HINT1: variants seen among roughly 807,000 people sequenced by gnomAD.
HINT1 encodes adenosine 5'-monophosphoramidase HINT1.
Under a neutral mutation model 11.2 loss-of-function variants are expected in HINT1, and 12 were observed. That is an observed-to-expected ratio of 1.07 (90% confidence interval 0.69 to 1.74). HINT1 has a LOEUF of 1.74. Ranked by LOEUF, HINT1 falls within the 40% of genes most tolerant of loss-of-function variation. The pLI is 0.00. For synonymous variants in HINT1, 42 were observed against 52.6 expected, an observed-to-expected ratio of 0.80 and a Z score of 0.87; for missense variants, 150 against 161.8, an observed-to-expected ratio of 0.93 and a Z score of 0.40.
intron 1 of HINT1, 113 bp from the exon 2 acceptor site, chr5:131,162,789 A>G (rs1755292198): frequency 1.5e-6 from 1 of 655,604 alleles, no homozygotes; most frequent in Non-Finnish European, 2.7e-6. Context: ...ACTAGATGCT[A>G]AGAAAACAGA....
At chr5:131,162,714 TA>T (rs1395589118) in intron 1 of HINT1, 38 bp from the exon 2 acceptor site, 1 of 1,352,394 alleles carries the variant, frequency 7.4e-7, no homozygotes, top group Admixed American at 1.8e-5. Flanking sequence ...ATCAAACTTT[TA>T]GTATATTGGT....
At chr5:131,162,270 C>CCTCG in intron 2 of HINT1, 2 of 613,166 alleles carry the variant, frequency 3.3e-6, no homozygotes, top group East Asian at 5.5e-5. Flanking sequence ...TTGCAGTGAG[C>CCTCG]CGAGTGCCAC....
intron 2 of HINT1, chr5:131,162,361 C>A: frequency 1.1e-6 from 1 of 921,582 alleles, no homozygotes; most frequent in Admixed American, 2.0e-5. Flanking sequence ...GATAAGGATA[C>A]GGAGAAGCTG....
At chr5:131,162,116 G>A in intron 2 of HINT1, 1 of 353,324 alleles carries the variant, frequency 2.8e-6, no homozygotes. Flanking sequence ...ACGAGGTCAG[G>A]AAATCGAAAC....
Position 131,159,707 on chromosome 5 carries a change from T to A in HINT1, c.217-96A>T, listed in dbSNP as rs970415281. 16 of 1,189,544 alleles carry A rather than the reference T, an allele frequency of 1.3e-5. No homozygotes were observed. The Middle Eastern group carries it at 6.4e-4, about 47-fold the overall frequency. 73.7% of individuals were successfully genotyped at this position (1,189,544 alleles called of 1,614,324 possible). A position where few individuals can be genotyped will look rare whatever the true frequency, so the allele number is the denominator to read the frequency against. On this transcript the variant is annotated intron_variant, in intron 2 of 2. Coordinates refer to ENST00000304043, the MANE Select transcript of HINT1 (RefSeq NM_005340.7). Reference sequence around the variant, plus strand: ...AAGCTGAAATATCAAATCTTAAAACTCTCATTGAAACACAACCCTTTGAGC... The same window carrying A: ...AAGCTGAAATATCAAATCTTAAAACACTCATTGAAACACAACCCTTTGAGC...
chr5:131,165,123 G>C lies in HINT1; in HGVS notation c.83C>G (p.Pro28Arg). ...GTCATCCTCAAAAATGATTTTGGCT[G>C]GTATTTCCTTGCGGATGATCTTCCC... is the stretch of plus-strand genomic sequence containing the variant. ...IFGKIIRKEI[P>R]AKIIFEDDRC... The change falls in exon 1 of 3, where the codon CCA (proline) becomes CGA (arginine). Residue 28 changes from proline to arginine, a missense_variant. Physicochemically the swap from Pro to Arg is moderately radical, Grantham distance 103. Transcript: ENST00000304043. The C allele has an allele frequency of 6.2e-7, 1 of 1,613,510 alleles. No homozygotes were observed. Among genetic ancestry groups the C allele is most frequent in the Non-Finnish European group, 8.5e-7 (1 of 1,179,922 alleles).
At chr5:131,162,222 C>T in intron 2 of HINT1, 1 of 554,102 alleles carries the variant, frequency 1.8e-6, no homozygotes, top group Non-Finnish European at 3.2e-6. Context: ...ACTCGGGAGG[C>T]TGAGGCAGGA....
Position 131,165,206 on chromosome 5 carries a change from C to T in HINT1, c.-1G>A. ...GAGCCTTGGCAATCTCATCTGCCATCTCGGCCTCTCTCCCGCGCGGCGGCC... is the reference window on the plus strand; with the variant it reads ...GAGCCTTGGCAATCTCATCTGCCATTTCGGCCTCTCTCCCGCGCGGCGGCC... On this transcript the variant is annotated 5_prime_UTR_variant, in exon 1 of 3. Coordinates refer to ENST00000304043, the MANE Select transcript of HINT1 (RefSeq NM_005340.7). The T allele has an allele frequency of 3.7e-6, 6 of 1,605,042 alleles. No homozygotes were observed. Among genetic ancestry groups the T allele is most frequent in the Non-Finnish European group, 3.4e-6 (4 of 1,179,766 alleles).
intron 1 of HINT1, 101 bp downstream of exon 1, chr5:131,164,994 G>C (rs1755358678): frequency 6.5e-7 from 1 of 1,532,066 alleles, no homozygotes; most frequent in Admixed American, 1.9e-5. Flanking sequence ...CCCTCCCGTC[G>C]CCGCTACACT....
At chr5:131,164,279 G>A (rs992184311) in intron 1 of HINT1, among the ~76,000 whole-genome samples, 5 of 152,112 alleles carry the variant, frequency 3.3e-5, no homozygotes, top group African/African-American at 9.7e-5. Context: ...ATATCTCAAA[G>A]TCACATCAAC....
At chr5:131,163,091 C>T (rs1380018846) in intron 1 of HINT1, among the ~76,000 whole-genome samples, 2 of 152,214 alleles carry the variant, frequency 1.3e-5, no homozygotes, top group African/African-American at 4.8e-5. Context: ...CCTGCCTCGG[C>T]CTCCCAGAGT....
At chr5:131,162,492 A>C (rs1453224804) in intron 2 of HINT1, 80 bp downstream of exon 2, 1 of 1,591,064 alleles carries the variant, frequency 6.3e-7, no homozygotes, top group Non-Finnish European at 8.6e-7. Flanking sequence ...GGAAGATGAA[A>C]ATGTGACAGC....
At chr5:131,164,942 T>C in intron 1 of HINT1, 153 bp downstream of exon 1, 1 of 1,135,944 alleles carries the variant, frequency 8.8e-7, no homozygotes, top group Non-Finnish European at 1.2e-6. Flanking sequence ...GCCCGGGCCC[T>C]GTCCGCTGGC....
rs1345467743 is a variant in HINT1 at position 131,159,547 on chromosome 5, T to A, written c.281A>T (p.Tyr94Phe). 1 of 1,613,790 alleles carries A rather than the reference T, an allele frequency of 6.2e-7. No homozygotes were observed. The highest frequency in any genetic ancestry group is 1.3e-5 in the African/African-American group (1 of 74,868). The change falls in exon 3 of 3, where the codon TAT becomes TTT. Residue 94 changes from tyrosine to phenylalanine, a missense_variant. Tyr to Phe is a conservative substitution (Grantham distance 22). Coordinates refer to ENST00000304043, the MANE Select transcript of HINT1 (RefSeq NM_005340.7). ...CAADLGLNKG[Y>F]RMVVNEGSDG... ...TGAACCTTCATTCACCACCATTCGA[T>A]AACCCTTATTCAGGCCCAGATCAGC...
At chr5:131,164,528 G>A (rs1259786022) in intron 1 of HINT1, among the ~76,000 whole-genome samples, 1 of 152,192 alleles carries the variant, frequency 6.6e-6, no homozygotes, top group Non-Finnish European at 1.5e-5. Flanking sequence ...GGTGAGGGTG[G>A]CAAGCCGCAC....
chr5:131,164,653 G>A (rs765548521), intron 1 of HINT1, among the ~76,000 whole-genome samples: 7 of 152,226 alleles, frequency 4.6e-5, no homozygotes, highest in African/African-American at 7.2e-5. Context: ...CTGGCAGGCC[G>A]GCTGTGCGCG....
intron 1 of HINT1, among the ~76,000 whole-genome samples, chr5:131,164,814 C>G (rs1401178916): frequency 6.6e-6 from 1 of 151,942 alleles, no homozygotes; most frequent in East Asian, 1.9e-4. Flanking sequence ...CCAGTGCGCC[C>G]CGACACGCGC....
intron 2 of HINT1, chr5:131,160,897 G>A (rs1285927753): frequency 2.0e-5 from 9 of 452,288 alleles, no homozygotes; most frequent in Admixed American, 2.4e-5. Flanking sequence ...GTAGGTTAAC[G>A]TTAAGTGTTC....
At position 131,162,415 on chromosome 5, in the gene HINT1, C is replaced by G. The variant is rs1755277839; in HGVS notation, c.216+157G>C. On this transcript the variant is annotated intron_variant, in intron 2 of 2. Transcript: ENST00000304043. ...GGTGGGATACAAAATGATGCAGTAA[C>G]TTTGGAAAACAGCTGGGCAGTTGAA... 6 of 1,486,994 alleles carry G rather than the reference C, an allele frequency of 4.0e-6. No individual in the cohort carries two copies. In the Admixed American group the frequency reaches 5.9e-5, roughly 15 times the overall value. The allele number at this position is 1,486,994 out of a possible 1,614,324, so 92.1% of individuals were successfully genotyped here.
Sources: allele counts gnomAD v4.1 joint callset (sites outside exome capture counted in the v4.1 genomes callset), GRCh38; gene constraint gnomAD v4.1.1; transcripts MANE v1.5; gene names NCBI Gene and HGNC (gene_info 2026-07-23, HGNC 2026-07-21).